The following CFAP206 variants were observed in gnomAD, a reference collection of about 807,000 sequenced individuals.
The protein encoded by CFAP206 is cilia and flagella associated protein 206.
Under a neutral mutation model 65.4 loss-of-function variants are expected in CFAP206, and 53 were observed. The ratio of observed to expected loss-of-function variants is 0.81; its 90% confidence interval spans 0.65 to 1.02. The LOEUF (loss-of-function observed/expected upper bound fraction) is 1.02, where lower values mean the gene tolerates loss of function less well. Ranked by LOEUF, CFAP206 falls within the 50% of genes least tolerant of loss-of-function variation. The pLI is 0.00. For synonymous variants in CFAP206, 250 were observed against 254.4 expected (o/e 0.98, Z 0.17); for missense variants, 663 against 753.2 (o/e 0.88, Z 1.40).
chr6:87,439,334 T>G (rs924635291), intron 11 of CFAP206, among the ~76,000 whole-genome samples: 7 of 152,168 alleles, frequency 4.6e-5, no homozygotes, highest in Admixed American at 1.3e-4. Flanking sequence ...TTTTTGCCAT[T>G]CATGTATGTA....
chr6:87,446,097 T>A (rs1265474996), intron 11 of CFAP206, among the ~76,000 whole-genome samples: 2 of 152,252 alleles, frequency 1.3e-5, no homozygotes, highest in South Asian at 2.1e-4. Flanking sequence ...AGATTCTAGA[T>A]ATCAGACCTT....
chr6:87,427,666 A>T (rs1768069769), intron 8 of CFAP206, among the ~76,000 whole-genome samples: 1 of 152,148 alleles, frequency 6.6e-6, no homozygotes, highest in East Asian at 1.9e-4. Flanking sequence ...ATGGCCCAAG[A>T]TATATCTCTA....
intron 2 of CFAP206, among the ~76,000 whole-genome samples, chr6:87,410,176 AATG>A (rs1450394754): frequency 2.0e-5 from 3 of 152,238 alleles, no homozygotes; most frequent in African/African-American, 7.2e-5. Context: ...AAACATCAAT[AATG>A]TTCTCCTGTG....
At chr6:87,424,058 C>T (rs1767993989) in intron 7 of CFAP206, among the ~76,000 whole-genome samples, 1 of 152,104 alleles carries the variant, frequency 6.6e-6, no homozygotes, top group Non-Finnish European at 1.5e-5. Context: ...ACACCACAAC[C>T]ATTTCTGGTG....
In CFAP206 at chr6:87,408,105, G is replaced by C. The variant is rs1225282976; in HGVS notation, c.-6+16G>C. On this transcript the variant is annotated intron_variant, in intron 1 of 12. Transcript: ENST00000369562. ...TCCGATCCAGGTCAGCCTACTCGGGGCTCCGCGCCCTTGACCCGGAGGCGT... is the reference window on the plus strand; with the variant it reads ...TCCGATCCAGGTCAGCCTACTCGGGCCTCCGCGCCCTTGACCCGGAGGCGT... 2.0e-6 allele frequency: 2 copies of C among 983,406 alleles called. No homozygotes were observed. Among genetic ancestry groups the C allele is most frequent in the Non-Finnish European group, 1.2e-6 (1 of 828,170 alleles). The allele number at this position is 983,406 out of a possible 1,614,324, so 60.9% of individuals were successfully genotyped here.
chr6:87,456,221 T>C (rs746938751), intron 11 of CFAP206, among the ~76,000 whole-genome samples: 1 of 152,194 alleles, frequency 6.6e-6, no homozygotes, highest in Non-Finnish European at 1.5e-5. Context: ...ATCAATGTGA[T>C]ACATCATGTC....
At chr6:87,419,877 C>G (rs1191895939) in intron 7 of CFAP206, among the ~76,000 whole-genome samples, 1 of 152,082 alleles carries the variant, frequency 6.6e-6, no homozygotes, top group Non-Finnish European at 1.5e-5. Flanking sequence ...GCCAAGAATT[C>G]AAGACCAGCC....
At chr6:87,431,305 A>G in intron 10 of CFAP206, 132 bp downstream of exon 10, 1 of 861,518 alleles carries the variant, frequency 1.2e-6, no homozygotes, top group Non-Finnish European at 1.8e-6. Flanking sequence ...GGATCTACAA[A>G]GATGATCCAG....
At chr6:87,421,990 C>T (rs902299188) in intron 7 of CFAP206, among the ~76,000 whole-genome samples, 3 of 151,892 alleles carry the variant, frequency 2.0e-5, no homozygotes, top group South Asian at 2.1e-4. Context: ...GAAAATTGTC[C>T]GTGGAAGAAA....
chr6:87,455,300 A>G (rs1445765064), intron 11 of CFAP206, among the ~76,000 whole-genome samples: 6 of 152,256 alleles, frequency 3.9e-5, no homozygotes, highest in Non-Finnish European at 7.3e-5. Context: ...CAGAGGAATT[A>G]AGAAGGAAAT....
At chr6:87,453,613 TTTTTATCAG>T (rs1768582958) in intron 11 of CFAP206, among the ~76,000 whole-genome samples, 1 of 151,012 alleles carries the variant, frequency 6.6e-6, no homozygotes, top group Admixed American at 6.6e-5. Flanking sequence ...AAGTGTAGAG[TTTTTATCAG>T]TTTTTTCTTT....
chr6:87,433,740 A>C (rs2127952621), intron 10 of CFAP206, among the ~76,000 whole-genome samples: 1 of 152,364 alleles, frequency 6.6e-6, no homozygotes, highest in African/African-American at 2.4e-5. Context: ...TCATTTAAAA[A>C]TGTATAAATT....
rs1212678099 is a variant in CFAP206, at chr6:87,418,283, A to C, written c.707A>C (p.Gln236Pro). The change falls in exon 7 of 13, where the codon CAG becomes CCG. Residue 236 changes from glutamine (Q) to proline (P), a missense_variant. By Grantham distance (76) the Gln-to-Pro change is moderately conservative. Coordinates refer to ENST00000369562, the MANE Select transcript of CFAP206 (RefSeq NM_001031743.3). ...TACCAGCTTGAGACTGCCCGGAGCC[A>C]GGTATACCGCTACACAGCCATCCTT... ...IDYQLETARS[Q>P]VYRYTAILEK... 1.9e-6 allele frequency: 3 copies of C among 1,614,054 alleles called. No individual in the cohort carries two copies. Among genetic ancestry groups the C allele is most frequent in the African/African-American group, 1.3e-5 (1 of 74,914 alleles).
chr6:87,425,128 T>G (rs944217710), intron 7 of CFAP206, among the ~76,000 whole-genome samples: 1 of 152,230 alleles, frequency 6.6e-6, no homozygotes, highest in South Asian at 2.1e-4. Context: ...AGATAGTATT[T>G]TATAAGCCTC....
intron 7 of CFAP206, among the ~76,000 whole-genome samples, chr6:87,419,728 G>T (rs1479707805): frequency 6.6e-6 from 1 of 152,176 alleles, no homozygotes; most frequent in African/African-American, 2.4e-5. Flanking sequence ...GATGCACTTG[G>T]TCTGTCCTCT....
At chr6:87,459,838 A>G (rs761800437) in intron 11 of CFAP206, among the ~76,000 whole-genome samples, 8 of 152,190 alleles carry the variant, frequency 5.3e-5, no homozygotes, top group Admixed American at 3.9e-4. Context: ...TTTCCACTAA[A>G]GCATAATTTT....
chr6:87,414,181 T>C (rs1767786197), intron 4 of CFAP206, among the ~76,000 whole-genome samples: 1 of 152,224 alleles, frequency 6.6e-6, no homozygotes, highest in Non-Finnish European at 1.5e-5. Context: ...AAGTTAAAAG[T>C]TTTTAATTTA....
intron 7 of CFAP206, among the ~76,000 whole-genome samples, chr6:87,423,775 A>G (rs1767990056): frequency 6.6e-6 from 1 of 152,112 alleles, no homozygotes; most frequent in Non-Finnish European, 1.5e-5. Context: ...GATATAATAG[A>G]TAATAGTGTA....
chr6:87,440,598 C>T (rs1033642305), intron 11 of CFAP206, among the ~76,000 whole-genome samples: 1 of 152,072 alleles, frequency 6.6e-6, no homozygotes, highest in Non-Finnish European at 1.5e-5. Context: ...TGAACAATTG[C>T]AATCATTTTC....
Sources: gnomAD v4.1 joint callset for allele counts (sites outside exome capture counted in the v4.1 genomes callset) on GRCh38, gnomAD v4.1.1 for gene constraint, MANE v1.5 for transcripts, NCBI Gene and HGNC (gene_info 2026-07-23, HGNC 2026-07-21) for gene names.